The following GPR174 variants were observed in gnomAD, a reference collection of about 807,000 sequenced individuals.
GPR174 encodes probable G protein-coupled receptor 174.
A neutral mutation model predicts 16.5 loss-of-function variants in GPR174; 8 were observed. That is an observed-to-expected ratio of 0.48 (90% CI 0.28 to 0.87). The LOEUF (loss-of-function observed/expected upper bound fraction) is 0.87. Ranked by LOEUF, GPR174 falls within the 40% of genes least tolerant of loss-of-function variation. The pLI, the probability that GPR174 is intolerant of heterozygous loss-of-function variation, is 0.09. For synonymous variants in GPR174, 111 were observed against 94.8 expected, an observed-to-expected ratio of 1.17 and a Z score of -0.99; for missense variants, 214 against 247.5, an observed-to-expected ratio of 0.86 and a Z score of 0.91.
chrX:79,169,059 T>G (rs1921445843), intron 2 of GPR174, among the ~76,000 whole-genome samples: 1 of 111,937 alleles, frequency 8.9e-6, no homozygotes, highest in Non-Finnish European at 1.9e-5. Flanking sequence ...TAACTTCCCA[T>G]AAGAACTCCA....
At position 79,172,045 on chromosome X, in the gene GPR174, A is replaced by G. The variant is rs777045651; in HGVS notation, c.*36A>G. The G allele has an allele frequency of 1.2e-5, 14 of 1,147,606 alleles. No homozygotes were observed. 94.6% of individuals were successfully genotyped at this position (1,147,606 alleles called of 1,213,427 possible). On this transcript the variant is annotated 3_prime_UTR_variant, in exon 3 of 3. Transcript: ENST00000645147. ...CAAACTGAATGTGACCTGAAATGCA[A>G]GTACATCAGAACATATCTGCAATAC...
intron 1 of GPR174, among the ~76,000 whole-genome samples, chrX:79,155,343 T>C (rs1238420143): frequency 1.8e-5 from 2 of 111,561 alleles, no homozygotes; most frequent in Non-Finnish European, 3.8e-5. Context: ...GCCTTTTGGT[T>C]ACTCATCTTC....
At position 79,171,463 on chromosome X, in the gene GPR174, T is replaced by C; in HGVS notation, c.456T>C (p.Phe152=). The change falls in exon 3 of 3, where the codon TTT becomes TTC. Residue 152 remains phenylalanine (F), a synonymous_variant. Transcript: ENST00000645147. ...TCATCTGCCTTGCCTGTGTACTCTT[T>C]CCACTCCTCAGAACCAGTGATGATA... ...WLIICLACVL[F]PLLRTSDDTS... The C allele has an allele frequency of 8.3e-7, 1 of 1,211,386 alleles. No individual in the cohort carries two copies. The highest frequency in any genetic ancestry group is 1.1e-6 in the Non-Finnish European group (1 of 895,217).
At chrX:79,160,109 T>C (rs1325642510) in intron 2 of GPR174, among the ~76,000 whole-genome samples, 1 of 111,737 alleles carries the variant, frequency 8.9e-6, no homozygotes, top group Non-Finnish European at 1.9e-5. Context: ...TTTGAAATTG[T>C]CTTTGGAATG....
chrX:79,155,872 T>C (rs1217585101), intron 1 of GPR174, among the ~76,000 whole-genome samples: 1 of 111,836 alleles, frequency 8.9e-6, no homozygotes, highest in Admixed American at 9.5e-5. Flanking sequence ...CTTCCCTCTG[T>C]CTTTCCTGCC....
chrX:79,154,801 A>AAGGT (rs754429493), intron 1 of GPR174, among the ~76,000 whole-genome samples: 4 of 111,073 alleles, frequency 3.6e-5, no homozygotes. Flanking sequence ...CCAAGACTAA[A>AAGGT]AGGTAGGTGT....
intron 2 of GPR174, among the ~76,000 whole-genome samples, chrX:79,169,087 C>G (rs771355899): frequency 1.8e-5 from 2 of 111,972 alleles, no homozygotes; most frequent in African/African-American, 3.2e-5. Context: ...TAGTTTCTCA[C>G]TTACATATGG....
rs1383612626 is a variant in GPR174, at chrX:79,174,961, C to A, written c.*2952C>A. 1 of 111,804 alleles carries A rather than the reference C, an allele frequency of 8.9e-6. No homozygotes were observed. The highest frequency in any genetic ancestry group is 1.9e-5 in the Non-Finnish European group (1 of 53,155). The allele number at this position is 111,804 out of a possible 1,213,427, so 9.2% of individuals were successfully genotyped here. On this transcript the variant is annotated 3_prime_UTR_variant, in exon 3 of 3. Transcript: ENST00000645147. ...TATATAAAGTTGTTGAATTTTGATTCAAAAATGCGTAAGTATTCCAATAAG... is the reference window on the plus strand; with the variant it reads ...TATATAAAGTTGTTGAATTTTGATTAAAAAATGCGTAAGTATTCCAATAAG...
chrX:79,171,780 C>A lies in GPR174; in HGVS notation c.773C>A (p.Ser258Tyr). 8.3e-7 allele frequency: 1 copy of A among 1,210,476 alleles called. No individual in the cohort carries two copies. The highest frequency in any genetic ancestry group is 1.1e-6 in the Non-Finnish European group (1 of 894,900). ...TTTCCTTTAGATTTCCTGGTGAAGT[C>A]CAATGAAATTAAAAGCTGCCTAGCC... Reference protein sequence around the residue: ...FSFPLDFLVKSNEIKSCLARR... With the variant: ...FSFPLDFLVKYNEIKSCLARR... Residue 258 changes from serine (S) to tyrosine (Y), a missense_variant, in exon 3 of 3, where the codon TCC (serine) becomes TAC (tyrosine). By Grantham distance (144) the Ser-to-Tyr change is moderately radical. Transcript: ENST00000645147.
chrX:79,160,426 G>T lies in GPR174; in HGVS notation c.-557+3508G>T, dbSNP rs186235441. On this transcript the variant is annotated intron_variant, in intron 2 of 2. Transcript: ENST00000645147. ...GACAGACAAACTCATTTGGATTCTTGCTTTTTAATAAATTTATTATTTAAA... is the reference window on the plus strand; with the variant it reads ...GACAGACAAACTCATTTGGATTCTTTCTTTTTAATAAATTTATTATTTAAA... Among the ~76,000 whole-genome samples the T allele has an allele frequency of 2.7e-3, 306 of 111,800 alleles. 1 individual carries two copies. The highest frequency in any genetic ancestry group is 0.019 in the Middle Eastern group (4 of 214).
chrX:79,165,742 G>C (rs1921345289), intron 2 of GPR174, among the ~76,000 whole-genome samples: 1 of 110,716 alleles, frequency 9.0e-6, no homozygotes, highest in Non-Finnish European at 1.9e-5. Flanking sequence ...CATAAGGTTG[G>C]TTTACTCCTC....
chrX:79,152,985 T>C (rs1420229063), intron 1 of GPR174, among the ~76,000 whole-genome samples: 1 of 112,216 alleles, frequency 8.9e-6, no homozygotes, highest in African/African-American at 3.2e-5. Context: ...GTCAGCATTA[T>C]GCCTGGTTAA....
intron 2 of GPR174, among the ~76,000 whole-genome samples, chrX:79,164,885 C>A (rs1395152911): frequency 9.0e-6 from 1 of 111,125 alleles, no homozygotes; most frequent in Admixed American, 9.6e-5. Context: ...ACCCATACCT[C>A]CCTCAAAACT....
At chrX:79,164,025 A>G (rs190067540) in intron 2 of GPR174, among the ~76,000 whole-genome samples, 2 of 111,529 alleles carry the variant, frequency 1.8e-5, no homozygotes, top group East Asian at 5.8e-4. Context: ...AAATGTGACA[A>G]CAGTACTGAT....
intron 2 of GPR174, among the ~76,000 whole-genome samples, chrX:79,169,283 G>T (rs1921452769): frequency 8.9e-6 from 1 of 111,761 alleles, no homozygotes; most frequent in South Asian, 3.7e-4. Context: ...TTCAGTCCCA[G>T]TTAAAATATG....
chrX:79,151,398 T>G (rs2147448491), intron 1 of GPR174, among the ~76,000 whole-genome samples: 1 of 111,648 alleles, frequency 9.0e-6, no homozygotes, highest in Non-Finnish European at 1.9e-5. Context: ...TGTGTATATT[T>G]AATATATATA....
At chrX:79,149,790 C>T (rs902456972) in intron 1 of GPR174, among the ~76,000 whole-genome samples, 3 of 104,100 alleles carry the variant, frequency 2.9e-5, no homozygotes, top group African/African-American at 1.1e-4. Flanking sequence ...AAGGCTCTTT[C>T]GATCATGGAG....
chrX:79,156,419 A>G (rs750696413), intron 1 of GPR174, among the ~76,000 whole-genome samples: 1 of 112,509 alleles, frequency 8.9e-6, no homozygotes, highest in African/African-American at 3.2e-5. Flanking sequence ...AGTTATGGTC[A>G]TGCCAACTAT....
chrX:79,157,887 T>C (rs1921136356), intron 2 of GPR174, among the ~76,000 whole-genome samples: 1 of 109,597 alleles, frequency 9.1e-6, no homozygotes, highest in Admixed American at 9.7e-5. Context: ...AAAATGACTG[T>C]ACAGTTCACC....
Sources: allele counts gnomAD v4.1 joint callset (sites outside exome capture counted in the v4.1 genomes callset), GRCh38; gene constraint gnomAD v4.1.1; transcripts MANE v1.5; gene names NCBI Gene and HGNC (gene_info 2026-07-23, HGNC 2026-07-21).